Variants in PTPRN2 observed in about 807,000 individuals in gnomAD.
PTPRN2 encodes receptor-type tyrosine-protein phosphatase N2.
Under a neutral mutation model 118.8 loss-of-function variants are expected in PTPRN2, and 74 were observed. The ratio of observed to expected loss-of-function variants is 0.62; its 90% CI spans 0.52 to 0.76. The LOEUF (loss-of-function observed/expected upper bound fraction) is 0.76. Ranked by LOEUF, PTPRN2 falls within the 30% of genes least tolerant of loss-of-function variation. The pLI is 0.00. For missense variants in PTPRN2, 1,481 were observed against 1,394.4 expected (o/e 1.06, Z -0.99); for synonymous variants, 641 against 608.0 (o/e 1.05, Z -0.80).
intron 2 of PTPRN2, among the ~76,000 whole-genome samples, chr7:158,368,739 G>A (rs949486842): frequency 7.9e-5 from 12 of 152,142 alleles, no homozygotes; most frequent in Non-Finnish European, 1.6e-4. Context: ...AGGCCCAGCT[G>A]GGCCCCACCA....
chr7:157,886,178 C>A (rs1039026645), intron 12 of PTPRN2, among the ~76,000 whole-genome samples: 2 of 152,140 alleles, frequency 1.3e-5, no homozygotes, highest in African/African-American at 2.4e-5. Context: ...GTGAGCCAGG[C>A]TCCCTAGGGA....
chr7:158,258,571 A>G (rs1410747451), intron 3 of PTPRN2, among the ~76,000 whole-genome samples: 2 of 152,102 alleles, frequency 1.3e-5, no homozygotes, highest in African/African-American at 4.8e-5. Flanking sequence ...CACATCAGAT[A>G]CCACCTCTGT....
intron 14 of PTPRN2, among the ~76,000 whole-genome samples, chr7:157,639,528 T>C (rs1028253794): frequency 2.8e-4 from 42 of 152,188 alleles, no homozygotes; most frequent in African/African-American, 8.9e-4. Flanking sequence ...GCTGGACAAA[T>C]GGCACAGTCA....
At chr7:157,940,501 T>G (rs1486437132) in intron 11 of PTPRN2, among the ~76,000 whole-genome samples, 1 of 142,138 alleles carries the variant, frequency 7.0e-6, no homozygotes, top group East Asian at 2.1e-4. Context: ...TCTAACACCC[T>G]CCCCCTTGAC....
intron 3 of PTPRN2, among the ~76,000 whole-genome samples, chr7:158,263,165 T>C (rs1373055080): frequency 6.9e-6 from 1 of 145,626 alleles, no homozygotes; most frequent in Non-Finnish European, 1.5e-5. Flanking sequence ...CAGTCACACA[T>C]TCACACACAC....
In PTPRN2 at chr7:158,389,166, C is replaced by T. The variant is rs189837099; in HGVS notation, c.164-72234G>A. ...GGCCACACCTGGGCCCTGAAGCCCT[C>T]GGCAGGAGGCAGGTGCGGCCACTGA... is the stretch of plus-strand genomic sequence containing the variant. On this transcript the variant is annotated intron_variant, in intron 2 of 22. Transcript: ENST00000389418. 8.7e-3 allele frequency among the ~76,000 whole-genome samples: 1,325 copies of T among 152,332 alleles called. 11 individuals carry two copies. Among genetic ancestry groups the T allele is most frequent in the Non-Finnish European group, 0.011 (773 of 68,026 alleles).
At chr7:158,181,694 G>C (rs188197593) in intron 5 of PTPRN2, among the ~76,000 whole-genome samples, 1 of 150,354 alleles carries the variant, frequency 6.7e-6, no homozygotes, top group Non-Finnish European at 1.5e-5. Context: ...GAATATATTC[G>C]TGTATTCATT....
intron 3 of PTPRN2, among the ~76,000 whole-genome samples, chr7:158,312,302 G>C (rs1801874944): frequency 4.3e-5 from 1 of 23,234 alleles, no homozygotes; most frequent in African/African-American, 1.2e-4. Flanking sequence ...ACACACATGT[G>C]CTCACACAGA....
At chr7:157,614,032 C>G (rs745776141) in intron 15 of PTPRN2, 3 of 471,402 alleles carry the variant, frequency 6.4e-6, no homozygotes, top group Non-Finnish European at 1.3e-5. Flanking sequence ...CAACGGGATG[C>G]CTTGGAAAGC....
intron 2 of PTPRN2, among the ~76,000 whole-genome samples, chr7:158,428,605 AT>A (rs1365583230): frequency 6.6e-6 from 1 of 152,162 alleles, no homozygotes; most frequent in Admixed American, 6.5e-5. Context: ...AAGAAGTATA[AT>A]TTTAGTACCT....
chr7:157,815,410 T>C (rs1806333282), intron 12 of PTPRN2, among the ~76,000 whole-genome samples: 1 of 152,226 alleles, frequency 6.6e-6, no homozygotes, highest in Non-Finnish European at 1.5e-5. Flanking sequence ...TGGTGTGTGG[T>C]GTTTCCTGAC....
At chr7:157,811,339 T>G (rs1180749417) in intron 12 of PTPRN2, among the ~76,000 whole-genome samples, 1 of 108,034 alleles carries the variant, frequency 9.3e-6, no homozygotes, top group Non-Finnish European at 1.8e-5. Context: ...CTATTATATA[T>G]ATATATATAT....
chr7:157,764,103 A>G lies in PTPRN2; in HGVS notation c.1789-81166T>C, dbSNP rs73744873. On this transcript the variant is annotated intron_variant, in intron 12 of 22. Coordinates refer to ENST00000389418, the MANE Select transcript of PTPRN2 (RefSeq NM_002847.5). This position sits in a 1 kb window ranked among gnomAD's most constrained non-coding sequence, Gnocchi z 4.5. ...CACACACAACAAAAACGTGCTGGCG[A>G]GAATGCTGAGGAATCGTAACTGGCA... Among the ~76,000 whole-genome samples, 1,858 of 152,294 alleles carry G rather than the reference A, an allele frequency of 0.012. 34 individuals are homozygous for G. Among genetic ancestry groups the G allele is most frequent in the African/African-American group, 0.042 (1,726 of 41,556 alleles).
At position 157,778,994 on chromosome 7, in the gene PTPRN2, C is replaced by A. The variant is rs1803513208; in HGVS notation, c.1789-96057G>T. 3.3e-5 allele frequency among the ~76,000 whole-genome samples: 5 copies of A among 152,220 alleles called. No homozygotes were observed. The South Asian group carries it at 1.0e-3, about 32-fold the overall frequency. ...CTTCCTGCTTTATGCTGGAAACGGG[C>A]CACAGCGCTCAAGCAGAGCTCCGCT... On this transcript the variant is annotated intron_variant, in intron 12 of 22. Transcript: ENST00000389418.
At chr7:158,312,503 GAC>G (rs1410267067) in intron 3 of PTPRN2, among the ~76,000 whole-genome samples, 1 of 147,970 alleles carries the variant, frequency 6.8e-6, no homozygotes, top group East Asian at 2.0e-4. Context: ...CTCACGTGTA[GAC>G]ACCCACACAC....
At chr7:157,907,021 A>G (rs1351524451) in intron 11 of PTPRN2, among the ~76,000 whole-genome samples, 1 of 152,166 alleles carries the variant, frequency 6.6e-6, no homozygotes, top group African/African-American at 2.4e-5. Context: ...ACACCCTGAC[A>G]CCTGTTGGAA....
chr7:158,110,361 G>A (rs1816129031), intron 10 of PTPRN2, among the ~76,000 whole-genome samples: 3 of 152,316 alleles, frequency 2.0e-5, no homozygotes, highest in South Asian at 4.1e-4. Flanking sequence ...ACCAGGTCAC[G>A]CTGAGACCAT....
At chr7:157,747,613 C>G (rs1186981048) in intron 12 of PTPRN2, among the ~76,000 whole-genome samples, 1 of 126,606 alleles carries the variant, frequency 7.9e-6, no homozygotes, top group Non-Finnish European at 1.7e-5. Context: ...GATTCTGAGG[C>G]CTGCGTCTCT....
intron 1 of PTPRN2, among the ~76,000 whole-genome samples, chr7:158,550,112 C>T (rs1826550128): frequency 1.3e-5 from 2 of 152,224 alleles, no homozygotes; most frequent in Admixed American, 6.5e-5. Flanking sequence ...AAATGAAAGA[C>T]GGAGATAGCC....
Sources: allele counts gnomAD v4.1 joint callset (sites outside exome capture counted in the v4.1 genomes callset), GRCh38; gene constraint gnomAD v4.1.1; non-coding constraint Gnocchi (gnomAD v3.1); transcripts MANE v1.5; gene names NCBI Gene and HGNC (gene_info 2026-07-23, HGNC 2026-07-21).